CPD: variants seen among roughly 807,000 people sequenced by gnomAD.
The protein encoded by CPD is carboxypeptidase D.
In CPD, 69 loss-of-function variants were observed where a neutral mutation model predicts 138.3. That is an observed-to-expected ratio of 0.50 (90% confidence interval 0.41 to 0.61). The LOEUF (loss-of-function observed/expected upper bound fraction) is 0.61. CPD is among the 20% of genes least tolerant of loss of function. CPD has a pLI of 0.00. For missense variants in CPD, 1,432 were observed against 1,733.3 expected (o/e 0.83, Z 3.09); for synonymous variants, 651 against 642.1 (o/e 1.01, Z -0.21).
chr17:30,449,495 T>G (rs550367446), intron 12 of CPD, 58 bp from the exon 13 acceptor site: 1 of 1,433,364 alleles, frequency 7.0e-7, no homozygotes, highest in Non-Finnish European at 9.4e-7. Context: ...AGTCCATAAG[T>G]CAACATTAAC....
Position 30,427,553 on chromosome 17 carries a change from A to T in CPD, c.2012A>T (p.His671Leu), listed in dbSNP as rs776280518. The T allele has an allele frequency of 8.7e-6, 14 of 1,613,612 alleles. No homozygotes were observed. Among genetic ancestry groups the T allele is most frequent in the Non-Finnish European group, 4.2e-6 (5 of 1,179,708 alleles). ...SYPFVLSANL[H>L]GGSLVVNYPF... ...CCATTTGTACTTTCAGCAAACCTGC[A>T]TGGAGGTATGGCAACTTTATATTCT... The change falls in exon 7 of 21, where the codon CAT (histidine) becomes CTT (leucine). Residue 671 changes from histidine (H) to leucine (L), a missense_variant. Physicochemically the swap from His to Leu is moderately conservative, Grantham distance 99. This residue lies in a region of CPD where 297 missense variants were observed against 405.3 expected (regional missense o/e 0.73). Coordinates refer to ENST00000225719, the MANE Select transcript of CPD (RefSeq NM_001304.5).
At chr17:30,463,743 G>T (rs1913555519) in intron 20 of CPD, among the ~76,000 whole-genome samples, 1 of 152,154 alleles carries the variant, frequency 6.6e-6, no homozygotes, top group Admixed American at 6.5e-5. Flanking sequence ...TTGGAAACAT[G>T]GCCCAATCAT....
chr17:30,458,058 G>A (rs954565538), intron 17 of CPD, among the ~76,000 whole-genome samples: 4 of 152,094 alleles, frequency 2.6e-5, no homozygotes, highest in Non-Finnish European at 2.9e-5. Flanking sequence ...GCTGGGCGTG[G>A]TGGCAGGTGC....
At chr17:30,404,841 A>G (rs1567869992) in intron 2 of CPD, among the ~76,000 whole-genome samples, 1 of 152,048 alleles carries the variant, frequency 6.6e-6, no homozygotes. Flanking sequence ...TAAATCTTTT[A>G]GGTAGTTAAA....
intron 2 of CPD, among the ~76,000 whole-genome samples, chr17:30,392,180 T>A (rs2143324067): frequency 6.6e-6 from 1 of 152,144 alleles, no homozygotes. Flanking sequence ...TGGCTAATTT[T>A]TGTATTTTTA....
intron 2 of CPD, among the ~76,000 whole-genome samples, chr17:30,403,458 A>AAGTCTCTGTCTTCCAGGG (rs2143360251): frequency 6.6e-6 from 1 of 152,304 alleles, no homozygotes; most frequent in Admixed American, 6.5e-5. Context: ...CATCTCACTA[A>AAGTCTCTGTCTTCCAGGG]AGTCTCTGTC....
intron 17 of CPD, among the ~76,000 whole-genome samples, chr17:30,457,139 C>G (rs1420486213): frequency 6.6e-6 from 1 of 152,118 alleles, no homozygotes; most frequent in Non-Finnish European, 1.5e-5. Context: ...TCCCTATTCC[C>G]CTCTCCCACG....
At chr17:30,384,023 T>G (rs1438374043) in intron 1 of CPD, among the ~76,000 whole-genome samples, 2 of 152,198 alleles carry the variant, frequency 1.3e-5, no homozygotes, top group African/African-American at 4.8e-5. Flanking sequence ...ATTGGTTCAC[T>G]TAAAAGTAGA....
In CPD at chr17:30,421,895, A is replaced by G; in HGVS notation, c.1307+62A>G. ...GTCAAGTCTCTGTTTTATATCTGAG[A>G]CAGAAATATAGTCTAGTACATGTTG... On this transcript the variant is annotated intron_variant, in intron 4 of 20. Coordinates refer to ENST00000225719, the MANE Select transcript of CPD (RefSeq NM_001304.5). 4.0e-6 allele frequency: 5 copies of G among 1,260,884 alleles called. No individual in the cohort carries two copies. The South Asian group carries it at 6.4e-5, about 16-fold the overall frequency. 78.1% of individuals were successfully genotyped at this position (1,260,884 alleles called of 1,614,324 possible).
intron 2 of CPD, among the ~76,000 whole-genome samples, chr17:30,402,694 TCTTTATAATATATTGAG>T (rs1470501276): frequency 8.5e-5 from 13 of 152,244 alleles, no homozygotes; most frequent in African/African-American, 3.1e-4. Context: ...TGACTTTTTT[TCTTTATAATATATTGAG>T]CTTTTACTGG....
chr17:30,388,489 G>A (rs1465261213), intron 2 of CPD, among the ~76,000 whole-genome samples: 4 of 152,188 alleles, frequency 2.6e-5, no homozygotes, highest in Non-Finnish European at 5.9e-5. Context: ...AGGCAACAGG[G>A]CCCAAGCATG....
At position 30,421,788 on chromosome 17, in the gene CPD, G is replaced by A; in HGVS notation, c.1262G>A (p.Arg421Gln). The change falls in exon 4 of 21, where the codon CGA (arginine) becomes CAA (glutamine). Residue 421 changes from arginine to glutamine, a missense_variant. By Grantham distance (43) the Arg-to-Gln change is conservative (BLOSUM62 1). Around this residue, in one of 6 missense-constraint regions of CPD, gnomAD observed 160 missense variants for 197.9 expected, o/e 0.81. Coordinates refer to ENST00000225719, the MANE Select transcript of CPD (RefSeq NM_001304.5). ...ACAGGCAGATTTGGTGATTTCTACC[G>A]ATTACTTGTTCCTGGAACTTACAAC... Reference protein sequence around the residue: ...ITTGRFGDFYRLLVPGTYNLT... With the variant: ...ITTGRFGDFYQLLVPGTYNLT... The A allele has an allele frequency of 1.2e-6, 2 of 1,613,648 alleles. No individual in the cohort carries two copies. Among genetic ancestry groups the A allele is most frequent in the South Asian group, 1.1e-5 (1 of 91,048 alleles).
At chr17:30,418,547 A>G (rs1218378592) in intron 2 of CPD, among the ~76,000 whole-genome samples, 4 of 152,120 alleles carry the variant, frequency 2.6e-5, no homozygotes, top group South Asian at 2.1e-4. Flanking sequence ...AGCCTATTTC[A>G]TTTTTTAAAT....
At chr17:30,461,762 G>C in intron 18 of CPD, 115 bp from the exon 19 acceptor site, 1 of 777,180 alleles carries the variant, frequency 1.3e-6, no homozygotes, top group East Asian at 2.5e-5. Context: ...ACTTGTTTGT[G>C]TGTGGTTTTT....
intron 2 of CPD, among the ~76,000 whole-genome samples, chr17:30,394,278 C>T (rs374790879): frequency 2.0e-5 from 3 of 152,142 alleles, no homozygotes; most frequent in Admixed American, 6.5e-5. Flanking sequence ...TAAGTTTAGC[C>T]TCAGCTCCTA....
At chr17:30,404,250 A>C (rs1029897324) in intron 2 of CPD, among the ~76,000 whole-genome samples, 4 of 152,160 alleles carry the variant, frequency 2.6e-5, no homozygotes, top group African/African-American at 9.6e-5. Context: ...AAAAGGCTTT[A>C]AAGCACCGTG....
chr17:30,412,854 C>T (rs1452332754), intron 2 of CPD, among the ~76,000 whole-genome samples: 2 of 152,210 alleles, frequency 1.3e-5, no homozygotes, highest in South Asian at 4.1e-4. Flanking sequence ...TGACGCCCTG[C>T]CCTGCTTCGA....
intron 12 of CPD, chr17:30,447,659 GC>G (rs1480139896): frequency 1.3e-5 from 2 of 151,936 alleles, no homozygotes; most frequent in African/African-American, 4.8e-5. Flanking sequence ...AGAAAATGAA[GC>G]CTAGTTGCTG....
intron 17 of CPD, among the ~76,000 whole-genome samples, chr17:30,458,851 G>A (rs145885541): frequency 0.03 from 4,201 of 142,052 alleles, 191 homozygotes; most frequent in African/African-American, 0.11. Context: ...GGGCAACAGA[G>A]TGAGACCCTG....
Sources: gnomAD v4.1 joint callset for allele counts (sites outside exome capture counted in the v4.1 genomes callset) on GRCh38, gnomAD v4.1.1 for gene constraint, gnomAD v4.1.1 regional missense constraint, MANE v1.5 for transcripts, NCBI Gene and HGNC (gene_info 2026-07-23, HGNC 2026-07-21) for gene names.